Variants in FERMT2 observed in about 807,000 individuals in gnomAD.
The protein encoded by FERMT2 is FERM domain containing kindlin 2.
A neutral mutation model predicts 82.7 loss-of-function variants in FERMT2; 15 were observed. That is an observed-to-expected ratio of 0.18 (90% CI 0.12 to 0.28). The LOEUF is 0.28. Among genes scored for constraint, FERMT2 ranks in the 10% least tolerant of loss-of-function variants. The pLI is 1.00. For missense variants in FERMT2, 645 were observed against 809.4 expected, an observed-to-expected ratio of 0.80 and a Z score of 2.46; for synonymous variants, 274 against 271.5, an observed-to-expected ratio of 1.01 and a Z score of -0.09.
chr14:52,926,404 C>A (rs1430212413), intron 2 of FERMT2, among the ~76,000 whole-genome samples: 1 of 130,584 alleles, frequency 7.7e-6, no homozygotes, highest in Non-Finnish European at 1.6e-5. Context: ...ATTAGATGAC[C>A]AAGTGCAACA....
At chr14:52,928,149 A>T (rs984023904) in intron 2 of FERMT2, 6 of 229,956 alleles carry the variant, frequency 2.6e-5, no homozygotes, top group Admixed American at 2.6e-4. Context: ...GTACTAATTC[A>T]GGAAAGAAAT....
At chr14:52,913,201 A>G (rs1314279063) in intron 3 of FERMT2, among the ~76,000 whole-genome samples, 4 of 152,224 alleles carry the variant, frequency 2.6e-5, no homozygotes, top group Admixed American at 6.5e-5. Context: ...ACCTCTGAGT[A>G]TATCTTTAGG....
At chr14:52,945,414 AT>A (rs1039016048) in intron 2 of FERMT2, among the ~76,000 whole-genome samples, 3 of 145,884 alleles carry the variant, frequency 2.1e-5, no homozygotes, top group Admixed American at 6.9e-5. Flanking sequence ...TGCCTGGCTA[AT>A]TTTTTTTTTG....
intron 2 of FERMT2, among the ~76,000 whole-genome samples, chr14:52,946,861 T>C (rs1890379274): frequency 6.6e-6 from 1 of 152,010 alleles, no homozygotes; most frequent in Non-Finnish European, 1.5e-5. Flanking sequence ...TTAGTAGAGA[T>C]GGGGTTTCTC....
chr14:52,860,453 T>G lies in FERMT2; in HGVS notation c.1615A>C (p.Ile539Leu). 6.2e-7 allele frequency: 1 copy of G among 1,612,778 alleles called. No individual in the cohort carries two copies. Among genetic ancestry groups the G allele is most frequent in the Non-Finnish European group, 8.5e-7 (1 of 1,179,408 alleles). ...KYKNKQITAR[I>L]LEAHQNVAQM... ...GCTACATTCTGATGGGCCTCCAAGA[T>G]TCTCGCTGTTATCTAAACATGAGTA... Residue 539 changes from isoleucine to leucine, a missense_variant, in exon 13 of 15, where the codon ATC becomes CTC. Coordinates refer to ENST00000341590, the MANE Select transcript of FERMT2 (RefSeq NM_006832.3).
At chr14:52,942,395 T>G (rs1416628803) in intron 2 of FERMT2, among the ~76,000 whole-genome samples, 1 of 151,390 alleles carries the variant, frequency 6.6e-6, no homozygotes, top group East Asian at 1.9e-4. Context: ...CTCCCCCTTC[T>G]GGGTTCACAC....
At chr14:52,950,622 A>C in intron 1 of FERMT2, 45 bp from the exon 2 acceptor site, 7 of 1,572,994 alleles carry the variant, frequency 4.5e-6, no homozygotes, top group Non-Finnish European at 5.2e-6. Flanking sequence ...CACTCCCCCA[A>C]AGAAAGGCGA....
intron 12 of FERMT2, 153 bp from the exon 13 acceptor site, chr14:52,860,618 T>C: frequency 1.6e-6 from 1 of 643,390 alleles, no homozygotes; most frequent in Non-Finnish European, 2.6e-6. Flanking sequence ...ATTTGGACAC[T>C]GTAATAATGT....
intron 2 of FERMT2, among the ~76,000 whole-genome samples, chr14:52,932,307 C>T (rs989265308): frequency 2.6e-5 from 4 of 152,218 alleles, no homozygotes; most frequent in African/African-American, 4.8e-5. Flanking sequence ...AATGTTAGGA[C>T]TCATTTACAT....
At chr14:52,873,930 C>G (rs900676760) in intron 9 of FERMT2, among the ~76,000 whole-genome samples, 2 of 151,284 alleles carry the variant, frequency 1.3e-5, no homozygotes, top group African/African-American at 4.9e-5. Flanking sequence ...CTGTATGATG[C>G]AATCTAGGTT....
At chr14:52,897,039 CACACACACA>C (rs1594962089) in intron 3 of FERMT2, among the ~76,000 whole-genome samples, 3 of 146,432 alleles carry the variant, frequency 2.0e-5, no homozygotes, top group African/African-American at 5.0e-5. Flanking sequence ...CACACACACA[CACACACACA>C]CCATGGTAGA....
rs577379247 is a variant in FERMT2, at chr14:52,931,939, G to A, written c.158-12583C>T. On this transcript the variant is annotated intron_variant, in intron 2 of 14. Coordinates refer to ENST00000341590, the MANE Select transcript of FERMT2 (RefSeq NM_006832.3). ...AGCTACTCGGGGGGCTAAGGCAGGAGAATCACCTGAACCTGGGAGGCAGAG... is the reference window on the plus strand; with the variant it reads ...AGCTACTCGGGGGGCTAAGGCAGGAAAATCACCTGAACCTGGGAGGCAGAG... Among the ~76,000 whole-genome samples, 8 of 152,316 alleles carry A rather than the reference G, an allele frequency of 5.3e-5. No individual in the cohort carries two copies. The South Asian group carries it at 1.4e-3, about 28-fold the overall frequency.
chr14:52,889,869 T>C (rs1440289471), intron 4 of FERMT2, among the ~76,000 whole-genome samples: 2 of 152,160 alleles, frequency 1.3e-5, no homozygotes, highest in African/African-American at 4.8e-5. Context: ...TGGCTCATGC[T>C]TGTAATCGCA....
At chr14:52,873,989 A>G (rs1269930905) in intron 9 of FERMT2, among the ~76,000 whole-genome samples, 188 bp downstream of exon 9, 3 of 151,248 alleles carry the variant, frequency 2.0e-5, no homozygotes, top group Non-Finnish European at 4.4e-5. Context: ...TAAAAGAATG[A>G]GCATTGTGAT....
chr14:52,896,089 T>C (rs887487114), intron 3 of FERMT2, among the ~76,000 whole-genome samples: 2 of 152,250 alleles, frequency 1.3e-5, no homozygotes, highest in African/African-American at 2.4e-5. Context: ...AATCGCACTA[T>C]GATGTTACAA....
At chr14:52,943,104 A>G (rs1201074772) in intron 2 of FERMT2, among the ~76,000 whole-genome samples, 1 of 149,092 alleles carries the variant, frequency 6.7e-6, no homozygotes, top group Non-Finnish European at 1.5e-5. Flanking sequence ...GCTACTTGGG[A>G]GGCTGAGGCA....
intron 2 of FERMT2, among the ~76,000 whole-genome samples, chr14:52,947,869 T>C (rs1373990678): frequency 6.6e-6 from 1 of 152,256 alleles, no homozygotes; most frequent in African/African-American, 2.4e-5. Context: ...TAGGTCATCC[T>C]GAGATCTATC....
intron 4 of FERMT2, among the ~76,000 whole-genome samples, chr14:52,890,926 T>C (rs1292221129): frequency 6.6e-6 from 1 of 152,168 alleles, no homozygotes; most frequent in African/African-American, 2.4e-5. Flanking sequence ...CTTTTACCTC[T>C]TCCTCAACCT....
At chr14:52,861,265 T>A (rs1884918507) in intron 12 of FERMT2, 1 of 507,110 alleles carries the variant, frequency 2.0e-6, no homozygotes, top group Non-Finnish European at 3.5e-6. Context: ...TGAGAAACAC[T>A]CCACATTATT....
Sources: allele counts gnomAD v4.1 joint callset (sites outside exome capture counted in the v4.1 genomes callset), GRCh38; gene constraint gnomAD v4.1.1; transcripts MANE v1.5; gene names NCBI Gene and HGNC (gene_info 2026-07-23, HGNC 2026-07-21).